Variants in POU2AF1 observed in about 807,000 individuals in gnomAD.
POU2AF1 encodes the protein POU class 2 homeobox associating factor 1.
A neutral mutation model predicts 26.3 loss-of-function variants in POU2AF1; 12 were observed. That is an observed-to-expected ratio of 0.46 (90% confidence interval 0.29 to 0.74). The LOEUF (loss-of-function observed/expected upper bound fraction) is 0.74. POU2AF1 is among the 30% of genes least tolerant of loss of function. POU2AF1 has a pLI of 0.09. For missense variants in POU2AF1, 297 were observed against 334.5 expected, an observed-to-expected ratio of 0.89 and a Z score of 0.87; for synonymous variants, 175 against 148.0, an observed-to-expected ratio of 1.18 and a Z score of -1.32.
At chr11:111,375,388 A>ATTTTTT (rs1565368329) in intron 1 of POU2AF1, among the ~76,000 whole-genome samples, 6 of 49,054 alleles carry the variant, frequency 1.2e-4, no homozygotes, top group Admixed American at 3.0e-4. Context: ...GATACTGAGT[A>ATTTTTT]TCTTTTTTTT....
At chr11:111,359,725 G>T (rs1860968559) in intron 1 of POU2AF1, among the ~76,000 whole-genome samples, 1 of 152,196 alleles carries the variant, frequency 6.6e-6, no homozygotes, top group African/African-American at 2.4e-5. Context: ...TTTGATGGAA[G>T]TGTCTTATAC....
At chr11:111,363,913 TAGCATG>T (rs1472248884) in intron 1 of POU2AF1, 27 of 985,284 alleles carry the variant, frequency 2.7e-5, no homozygotes, top group Non-Finnish European at 3.0e-5. Flanking sequence ...CTTTCCACCT[TAGCATG>T]AGCCTCTCGG....
chr11:111,370,914 G>A (rs747445976), intron 1 of POU2AF1, among the ~76,000 whole-genome samples: 2 of 152,156 alleles, frequency 1.3e-5, no homozygotes, highest in African/African-American at 4.8e-5. Flanking sequence ...TCTCTAGCTG[G>A]AAATAATTCC....
rs538362100 is a variant in POU2AF1, at chr11:111,352,578, G to A, written c.*1683C>T. On this transcript the variant is annotated 3_prime_UTR_variant, in exon 5 of 5. Transcript: ENST00000393067. Reference sequence around the variant, plus strand: ...GGTCCCCAGGAGGGAGGGTGTTTGCGTGGAGGGGGCCTTGGTTCCACAGAA... The same window carrying A: ...GGTCCCCAGGAGGGAGGGTGTTTGCATGGAGGGGGCCTTGGTTCCACAGAA... 3.3e-5 allele frequency: 6 copies of A among 180,440 alleles called. No homozygotes were observed. Among genetic ancestry groups the A allele is most frequent in the South Asian group, 2.0e-4 (1 of 5,068 alleles). 11.2% of individuals were successfully genotyped at this position (180,440 alleles called of 1,614,324 possible).
At chr11:111,372,062 ACACAC>A in intron 1 of POU2AF1, among the ~76,000 whole-genome samples, 4 of 148,000 alleles carry the variant, frequency 2.7e-5, no homozygotes. Context: ...ACACACACAC[ACACAC>A]ACAGAGAGAG....
Position 111,352,853 on chromosome 11 carries a change from G to A in POU2AF1, c.*1408C>T, listed in dbSNP as rs1335238326. On this transcript the variant is annotated 3_prime_UTR_variant, in exon 5 of 5. Transcript: ENST00000393067. ...GGAGGCTCAGGCAGGAGAATCACTT[G>A]AACTTGGGAGACAGAGGTGCAGTGA... 5.8e-6 allele frequency: 1 copy of A among 173,548 alleles called. No individual in the cohort carries two copies. The highest frequency in any genetic ancestry group is 2.4e-5 in the African/African-American group (1 of 42,072). 10.8% of individuals were successfully genotyped at this position (173,548 alleles called of 1,614,324 possible).
chr11:111,366,674 G>A (rs543251412), intron 1 of POU2AF1, among the ~76,000 whole-genome samples: 38 of 152,198 alleles, frequency 2.5e-4, no homozygotes, highest in African/African-American at 6.5e-4. Flanking sequence ...CAGGGTCCAC[G>A]GTCACTGAGA....
chr11:111,367,359 T>C (rs1861124884), intron 1 of POU2AF1, among the ~76,000 whole-genome samples: 1 of 152,196 alleles, frequency 6.6e-6, no homozygotes, highest in Admixed American at 6.5e-5. Context: ...ATTTGCATGA[T>C]GTTCCATAGA....
chr11:111,371,048 C>T (rs544443216), intron 1 of POU2AF1, among the ~76,000 whole-genome samples: 1 of 152,316 alleles, frequency 6.6e-6, no homozygotes, highest in South Asian at 2.1e-4. Context: ...AGACTTGCTT[C>T]TATTGTCAAC....
intron 1 of POU2AF1, among the ~76,000 whole-genome samples, chr11:111,375,737 C>T (rs1478826674): frequency 6.6e-6 from 1 of 152,124 alleles, no homozygotes; most frequent in African/African-American, 2.4e-5. Flanking sequence ...GCCTGAAGAA[C>T]CAAGCAAATC....
At chr11:111,359,006 T>C in intron 1 of POU2AF1, 88 bp from the exon 2 acceptor site, 1 of 1,516,314 alleles carries the variant, frequency 6.6e-7, no homozygotes, top group Non-Finnish European at 8.8e-7. Context: ...ATCTGCCTGC[T>C]CCCCTAAGTC....
In POU2AF1 at chr11:111,352,791, AGGCATGGT is replaced by A. The variant is rs1565356770; in HGVS notation, c.*1462_*1469del. 1 of 167,562 alleles carries A rather than the reference AGGCATGGT, an allele frequency of 6.0e-6. No homozygotes were observed. The highest frequency in any genetic ancestry group is 1.3e-5 in the Non-Finnish European group (1 of 77,122). 10.4% of individuals were successfully genotyped at this position (167,562 alleles called of 1,614,324 possible). A position where few individuals can be genotyped will look rare whatever the true frequency, so the allele number is the denominator to read the frequency against. ...TCTACTAAAAATACAAAAATTAGCC[AGGCATGGT>A]GGCATGCACCTGTAATCCCAGCTAC... On this transcript the variant is annotated 3_prime_UTR_variant, in exon 5 of 5. Coordinates refer to ENST00000393067, the MANE Select transcript of POU2AF1 (RefSeq NM_006235.3).
At chr11:111,375,780 T>C (rs1861300054) in intron 1 of POU2AF1, among the ~76,000 whole-genome samples, 1 of 152,220 alleles carries the variant, frequency 6.6e-6, no homozygotes. Flanking sequence ...TGTTTTTCTA[T>C]TATAAGCCAG....
intron 1 of POU2AF1, chr11:111,363,302 G>A: frequency 2.9e-6 from 3 of 1,025,866 alleles, no homozygotes; most frequent in Non-Finnish European, 3.5e-6. Flanking sequence ...TAAGAAGGAG[G>A]GTGCTTCTCA....
In POU2AF1 at chr11:111,353,101, A is replaced by C. The variant is rs919920704; in HGVS notation, c.*1160T>G. On this transcript the variant is annotated 3_prime_UTR_variant, in exon 5 of 5. Transcript: ENST00000393067. ...TAGCACTAAGCCTAGGCGAGGACCC[A>C]TCACCTTTAGGCTTAATGGGGTCTT... The C allele has an allele frequency of 1.7e-5, 4 of 229,794 alleles. No individual in the cohort carries two copies. Among genetic ancestry groups the C allele is most frequent in the South Asian group, 1.8e-4 (1 of 5,486 alleles). The allele number at this position is 229,794 out of a possible 1,614,324, so 14.2% of individuals were successfully genotyped here. A position where few individuals can be genotyped will look rare whatever the true frequency, so the allele number is the denominator to read the frequency against.
At position 111,372,049 on chromosome 11, in the gene POU2AF1, C is replaced by G. The variant is rs1012985432; in HGVS notation, c.16+7113G>C. ...ACAAATACACACACACACACACACA[C>G]ACACACACACACACACACACAGAGA... On this transcript the variant is annotated intron_variant, in intron 1 of 4. Transcript: ENST00000393067. Among the ~76,000 whole-genome samples, 688 of 132,500 alleles carry G rather than the reference C, an allele frequency of 5.2e-3. 10 individuals carry two copies. The highest frequency in any genetic ancestry group is 5.9e-3 in the Non-Finnish European group (360 of 60,684). The allele number at this position is 132,500 out of a possible 152,430, so 86.9% of individuals were successfully genotyped here. A position where few individuals can be genotyped will look rare whatever the true frequency, so the allele number is the denominator to read the frequency against.
chr11:111,359,050 T>C, intron 1 of POU2AF1, 132 bp from the exon 2 acceptor site: 1 of 1,406,308 alleles, frequency 7.1e-7, no homozygotes, highest in Non-Finnish European at 9.4e-7. Context: ...TGACACTTCC[T>C]AGAATGCCTC....
intron 1 of POU2AF1, among the ~76,000 whole-genome samples, chr11:111,362,167 G>T: frequency 1.3e-5 from 2 of 152,216 alleles, no homozygotes; most frequent in East Asian, 3.9e-4. Flanking sequence ...CAGCATTTTT[G>T]GTTTTAATCT....
In POU2AF1 at chr11:111,357,959, AC is replaced by A. The variant is rs982231573; in HGVS notation, c.148-123del. 3.7e-6 allele frequency: 4 copies of A among 1,089,984 alleles called. No individual in the cohort carries two copies. The African/African-American group carries it at 6.4e-5, about 17-fold the overall frequency. 67.5% of individuals were successfully genotyped at this position (1,089,984 alleles called of 1,614,324 possible). ...GAAGATAGGAATCTCTCTGGTTAGA[AC>A]AAAACATCCCACCCCGTATCCCAAC... On this transcript the variant is annotated intron_variant, in intron 2 of 4. Coordinates refer to ENST00000393067, the MANE Select transcript of POU2AF1 (RefSeq NM_006235.3).
Sources: allele counts gnomAD v4.1 joint callset (sites outside exome capture counted in the v4.1 genomes callset), GRCh38; gene constraint gnomAD v4.1.1; transcripts MANE v1.5; gene names NCBI Gene and HGNC (gene_info 2026-07-23, HGNC 2026-07-21).